Variants in NODAL observed in about 807,000 individuals in gnomAD.
NODAL encodes the protein nodal homolog.
A neutral mutation model predicts 34.0 loss-of-function variants in NODAL; 12 were observed. The observed-to-expected ratio is 0.35, with a 90% CI of 0.23 to 0.57. NODAL has a LOEUF of 0.57. NODAL is among the 20% of genes least tolerant of loss of function. NODAL has a pLI of 0.83. For missense variants in NODAL, 390 were observed against 444.2 expected (o/e 0.88, Z 1.10); for synonymous variants, 162 against 186.4 (o/e 0.87, Z 1.07).
intron 1 of NODAL, among the ~76,000 whole-genome samples, chr10:70,441,216 C>G (rs899123744): frequency 1.3e-5 from 2 of 152,258 alleles, no homozygotes; most frequent in African/African-American, 4.8e-5. Flanking sequence ...CAATGGTCCC[C>G]GTCGAGGACA....
At chr10:70,435,064 T>G in intron 2 of NODAL, 1 of 554,466 alleles carries the variant, frequency 1.8e-6, no homozygotes, top group Non-Finnish European at 3.2e-6. Flanking sequence ...AGGGAAACAA[T>G]GTGTTCAAGG....
chr10:70,433,180 A>T lies in NODAL; in HGVS notation c.892-92T>A. On this transcript the variant is annotated intron_variant, in intron 2 of 2. Transcript: ENST00000287139. ...TAAAGAGTAAAAAAGTTACGGAGTT[A>T]AAGTCAGTTCCTGAGTGCAAAAATA... The T allele has an allele frequency of 2.0e-6, 3 of 1,487,588 alleles. No individual in the cohort carries two copies. In the South Asian group the frequency reaches 3.4e-5, roughly 17 times the overall value. The allele number at this position is 1,487,588 out of a possible 1,614,324, so 92.1% of individuals were successfully genotyped here. A position where few individuals can be genotyped will look rare whatever the true frequency, so the allele number is the denominator to read the frequency against.
At chr10:70,445,945 C>T (rs959167062), upstream of NODAL, among the ~76,000 whole-genome samples, 6 of 152,194 alleles carry the variant, frequency 3.9e-5, no homozygotes, top group African/African-American at 1.2e-4. Flanking sequence ...CTCTCTGACC[C>T]GCAAGAGCAA....
At chr10:70,444,827 C>T (rs576377899), upstream of NODAL, among the ~76,000 whole-genome samples, 7 of 152,256 alleles carry the variant, frequency 4.6e-5, 1 homozygote, top group South Asian at 1.0e-3. Flanking sequence ...ATGATGCATG[C>T]GGGTATTATT....
At chr10:70,441,396 AC>A in intron 1 of NODAL, 78 bp downstream of exon 1, 1 of 1,479,030 alleles carries the variant, frequency 6.8e-7, no homozygotes, top group Non-Finnish European at 9.1e-7. Flanking sequence ...AACCCACAGC[AC>A]TTCCCGAGTC....
intron 1 of NODAL, among the ~76,000 whole-genome samples, chr10:70,438,622 C>T (rs1027494222): frequency 1.3e-5 from 2 of 152,134 alleles, no homozygotes; most frequent in East Asian, 1.9e-4. Context: ...TGAAGGTGTC[C>T]GGACAGGCCA....
At chr10:70,433,770 T>C (rs1477797987) in intron 2 of NODAL, among the ~76,000 whole-genome samples, 1 of 152,180 alleles carries the variant, frequency 6.6e-6, no homozygotes, top group Non-Finnish European at 1.5e-5. Flanking sequence ...TCTAGAAATA[T>C]GAAGCAGAAT....
At chr10:70,447,337 G>T (rs900473481) in intron 1 of NODAL, among the ~76,000 whole-genome samples, 2 of 151,880 alleles carry the variant, frequency 1.3e-5, no homozygotes, top group African/African-American at 4.8e-5. Flanking sequence ...GCCTCCCAGA[G>T]TGCTGGGATT....
intron 1 of NODAL, among the ~76,000 whole-genome samples, chr10:70,438,717 T>G (rs1845386808): frequency 6.6e-6 from 1 of 152,218 alleles, no homozygotes; most frequent in African/African-American, 2.4e-5. Flanking sequence ...TGCTCCTTCC[T>G]GCTGAAAGAA....
upstream of NODAL, among the ~76,000 whole-genome samples, chr10:70,445,550 G>T (rs973751160): frequency 6.6e-6 from 1 of 152,222 alleles, no homozygotes; most frequent in African/African-American, 2.4e-5. Context: ...GAGCCACCGC[G>T]CCTGGCCGGC....
At chr10:70,437,921 T>C (rs1370124982) in intron 1 of NODAL, among the ~76,000 whole-genome samples, 2 of 151,998 alleles carry the variant, frequency 1.3e-5, no homozygotes, top group Non-Finnish European at 2.9e-5. Flanking sequence ...CCCAGAAGTG[T>C]GGGGAGGAGG....
chr10:70,432,752 G>T lies in NODAL; in HGVS notation c.*184C>A. 1.5e-6 allele frequency: 1 copy of T among 677,908 alleles called. No individual in the cohort carries two copies. The highest frequency in any genetic ancestry group is 2.6e-6 in the Non-Finnish European group (1 of 380,812). 42.0% of individuals were successfully genotyped at this position (677,908 alleles called of 1,614,324 possible). ...CCCTCTTCCTGACAGCAGCCTCTGT[G>T]CTTGGCCAGACTCCACTGAGCCCTT... is the stretch of plus-strand genomic sequence containing the variant. On this transcript the variant is annotated 3_prime_UTR_variant, in exon 3 of 3. Coordinates refer to ENST00000287139, the MANE Select transcript of NODAL (RefSeq NM_018055.5).
chr10:70,443,867 T>C (rs1200770096), upstream of NODAL, among the ~76,000 whole-genome samples: 1 of 150,898 alleles, frequency 6.6e-6, no homozygotes, highest in African/African-American at 2.4e-5. Context: ...ATTCAGTGAA[T>C]GGCACTATGT....
upstream of NODAL, among the ~76,000 whole-genome samples, chr10:70,442,022 C>T (rs1209161911): frequency 6.6e-6 from 1 of 152,188 alleles, no homozygotes; most frequent in Non-Finnish European, 1.5e-5. Context: ...CTTCCTTACT[C>T]GACCTCACCT....
At chr10:70,445,010 G>C (rs186033658), upstream of NODAL, among the ~76,000 whole-genome samples, 1 of 152,090 alleles carries the variant, frequency 6.6e-6, no homozygotes, top group Non-Finnish European at 1.5e-5. Flanking sequence ...CAGGACTCAG[G>C]TTCCAAGGAT....
In NODAL at chr10:70,435,613, A is replaced by G; in HGVS notation, c.564T>C (p.Pro188=). ...GECWPRPPTP[P]ATNVLLMLYS... ...AGAGCATAAGGAGCACATTGGTGGC[A>G]GGCGGTGTGGGGGGCCGCGGCCAGC... Residue 188 remains proline, a synonymous_variant, in exon 2 of 3, where the codon CCT becomes CCC. Coordinates refer to ENST00000287139, the MANE Select transcript of NODAL (RefSeq NM_018055.5). 1 of 1,613,986 alleles carries G rather than the reference A, an allele frequency of 6.2e-7. No homozygotes were observed. The highest frequency in any genetic ancestry group is 1.1e-5 in the South Asian group (1 of 91,082).
Position 70,435,384 on chromosome 10 carries a change from T to G in NODAL, c.793A>C (p.Ile265Leu), listed in dbSNP as rs775212204. ...DFNLIGWGSW[I>L]IYPKQYNAYR... ...GCGTTGTACTGCTTGGGGTAGATGA[T>G]CCAGGAGCCCCATCCGATCAGGTTG... The change falls in exon 2 of 3, where the codon ATC becomes CTC. Residue 265 changes from isoleucine (I) to leucine (L), a missense_variant. Transcript: ENST00000287139. 1 of 1,614,130 alleles carries G rather than the reference T, an allele frequency of 6.2e-7. No homozygotes were observed. Among genetic ancestry groups the G allele is most frequent in the East Asian group, 2.2e-5 (1 of 44,880 alleles).
intron 1 of NODAL, among the ~76,000 whole-genome samples, chr10:70,438,147 A>G (rs890225811): frequency 4.6e-5 from 7 of 152,050 alleles, no homozygotes; most frequent in African/African-American, 1.7e-4. Context: ...ATACAAAATT[A>G]GCCAGGCATG....
Position 70,432,813 on chromosome 10 carries a change from T to C in NODAL, c.*123A>G. 8.7e-7 allele frequency: 1 copy of C among 1,152,732 alleles called. No homozygotes were observed. The highest frequency in any genetic ancestry group is 1.3e-6 in the Non-Finnish European group (1 of 772,588). The allele number at this position is 1,152,732 out of a possible 1,614,324, so 71.4% of individuals were successfully genotyped here. A position where few individuals can be genotyped will look rare whatever the true frequency, so the allele number is the denominator to read the frequency against. ...GTGGGCAGCCCCTCCTCTTCAGTTC[T>C]GGTGGGCAGAGCAACTTTGCCCCTC... On this transcript the variant is annotated 3_prime_UTR_variant, in exon 3 of 3. Coordinates refer to ENST00000287139, the MANE Select transcript of NODAL (RefSeq NM_018055.5).
Sources: gnomAD v4.1 joint callset for allele counts (sites outside exome capture counted in the v4.1 genomes callset) on GRCh38, gnomAD v4.1.1 for gene constraint, MANE v1.5 for transcripts, NCBI Gene and HGNC (gene_info 2026-07-23, HGNC 2026-07-21) for gene names.